Variants in ANKRD53 observed in about 807,000 individuals in gnomAD.
The protein encoded by ANKRD53 is ankyrin repeat domain 53.
ANKRD53 carries 27 observed loss-of-function variants against 30.1 expected under a neutral mutation model. That is an observed-to-expected ratio of 0.90 (90% CI 0.66 to 1.24). ANKRD53 has a LOEUF of 1.24. Among genes scored for constraint, ANKRD53 ranks in the 50% most tolerant of loss-of-function variants. ANKRD53 has a pLI of 0.00. For synonymous variants in ANKRD53, 286 were observed against 295.4 expected (o/e 0.97, Z 0.33); for missense variants, 682 against 721.0 (o/e 0.95, Z 0.62).
Position 70,982,911 on chromosome 2 carries a change from A to C in ANKRD53, c.903+214A>C, listed in dbSNP as rs1322369303. On this transcript the variant is annotated intron_variant, in intron 5 of 5. Coordinates refer to ENST00000360589, the MANE Select transcript of ANKRD53 (RefSeq NM_001115116.2). This position sits in a 1 kb window ranked among gnomAD's most constrained non-coding sequence, Gnocchi z 4.2. The stretch of plus-strand genomic sequence containing the variant: ...TCAAAAGTCTTATCCTGTGTTAGAA[A>C]GCCAATTTAAGCAAGCTTAAATTCG... Among the ~76,000 whole-genome samples, 1 of 152,208 alleles carries C rather than the reference A, an allele frequency of 6.6e-6. No individual in the cohort carries two copies. Among genetic ancestry groups the C allele is most frequent in the African/African-American group, 2.4e-5 (1 of 41,450 alleles).
At chr2:70,980,208 G>A (rs1258488843) in intron 3 of ANKRD53, among the ~76,000 whole-genome samples, 1 of 152,068 alleles carries the variant, frequency 6.6e-6, no homozygotes, top group African/African-American at 2.4e-5. Context: ...CCAGCTATTC[G>A]GGAGGCTGAG....
rs113778540 is a variant in ANKRD53 at position 70,979,199 on chromosome 2, C to A, written c.273C>A (p.Ser91Arg). The stretch of plus-strand genomic sequence containing the variant: ...TCACCCCGCCCCGCGCTGACCCCAG[C>A]CCCAGCAAGGAGTCCGACCAGACGG... ...ASLTPPRADP[S>R]PSKESDQTAI... Residue 91 changes from serine (S) to arginine (R), a missense_variant, in exon 2 of 6, where the codon AGC (serine) becomes AGA (arginine). By Grantham distance (110) the Ser-to-Arg change is moderately radical. Coordinates refer to ENST00000360589, the MANE Select transcript of ANKRD53 (RefSeq NM_001115116.2). The A allele has an allele frequency of 6.2e-7, 1 of 1,613,130 alleles. No individual in the cohort carries two copies. Among genetic ancestry groups the A allele is most frequent in the Non-Finnish European group, 8.5e-7 (1 of 1,179,926 alleles).
Position 70,985,085 on chromosome 2 carries a change from T to A in ANKRD53, c.1378T>A (p.Tyr460Asn). 2.6e-6 allele frequency: 4 copies of A among 1,550,722 alleles called. No homozygotes were observed. The highest frequency in any genetic ancestry group is 1.2e-5 in the South Asian group (1 of 84,058). The change falls in exon 6 of 6, where the codon TAC becomes AAC. Residue 460 changes from tyrosine to asparagine, a missense_variant. Transcript: ENST00000360589. ...TTTTGAGGTGCTGCTGCGCATGCTG[T>A]ACCCACGTGTATGGCCATACAGAAT... The part of the protein sequence containing the change: ...LPFEVLLRML[Y>N]PRVWPYRMKV...
chr2:70,978,719 G>T lies in ANKRD53; in HGVS notation c.74G>T (p.Gly25Val). The T allele has an allele frequency of 6.4e-7, 1 of 1,551,496 alleles. No individual in the cohort carries two copies. Among genetic ancestry groups the T allele is most frequent in the Non-Finnish European group, 8.7e-7 (1 of 1,147,664 alleles). The change falls in exon 1 of 6, where the codon GGT becomes GTT. Residue 25 changes from glycine (G) to valine (V), a missense_variant. Physicochemically the swap from Gly to Val is moderately radical, Grantham distance 109. Transcript: ENST00000360589. The surrounding 1 kb of genome is among the most constrained non-coding windows in gnomAD (Gnocchi z 4.3). ...SWHSERGEGRGARPQPTPSGS... is the reference protein window; with the variant it reads ...SWHSERGEGRVARPQPTPSGS... The stretch of plus-strand genomic sequence containing the variant: ...CACTCAGAAAGGGGAGAAGGGAGAG[G>T]TGCTCGGCCGCAGCCAACTCCAAGT...
At position 70,984,835 on chromosome 2, in the gene ANKRD53, G is replaced by A. The variant is rs1670125079; in HGVS notation, c.1128G>A (p.Arg376=). ...QPTEMPKPIY[R]KPTVKRPTMW... is the part of the protein sequence containing the mutation. ...CGGAGATGCCCAAGCCCATCTACAG[G>A]AAGCCCACGGTCAAGCGGCCCACAA... Residue 376 remains arginine, a synonymous_variant, in exon 6 of 6, where the codon AGG becomes AGA. Coordinates refer to ENST00000360589, the MANE Select transcript of ANKRD53 (RefSeq NM_001115116.2). The A allele has an allele frequency of 3.9e-6, 6 of 1,552,226 alleles. No individual in the cohort carries two copies. The East Asian group carries it at 1.5e-4, about 38-fold the overall frequency.
At position 70,984,065 on chromosome 2, in the gene ANKRD53, A is replaced by G. The variant is rs557955467; in HGVS notation, c.904-546A>G. 3.0e-5 allele frequency: 46 copies of G among 1,532,744 alleles called. No individual in the cohort carries two copies. The East Asian group carries it at 1.0e-3, about 35-fold the overall frequency. 94.9% of individuals were successfully genotyped at this position (1,532,744 alleles called of 1,614,324 possible). On this transcript the variant is annotated intron_variant, in intron 5 of 5. Coordinates refer to ENST00000360589, the MANE Select transcript of ANKRD53 (RefSeq NM_001115116.2). ...CCTACATGACTTCTCAAGGCCCACC[A>G]CTTCCAAGAAGCGTGTCCACATCAG... is the stretch of plus-strand genomic sequence containing the variant.
chr2:70,982,124 AGCCT>A lies in ANKRD53; in HGVS notation c.782+28_782+31del, dbSNP rs1294607897. On this transcript the variant is annotated intron_variant, in intron 4 of 5. Transcript: ENST00000360589. This position sits in a 1 kb window ranked among gnomAD's most constrained non-coding sequence, Gnocchi z 4.2. Reference sequence around the variant, plus strand: ...CGGTGAGAGTGTGAGAACCACCTGGAGCCTGCCCACCCCCTTCCCCTCCCCCAGC... The same window carrying A: ...CGGTGAGAGTGTGAGAACCACCTGGAGCCCACCCCCTTCCCCTCCCCCAGC... 6.3e-7 allele frequency: 1 copy of A among 1,579,676 alleles called. No individual in the cohort carries two copies. The highest frequency in any genetic ancestry group is 8.6e-7 in the Non-Finnish European group (1 of 1,160,268).
rs1553424336 is a variant in ANKRD53, at chr2:70,984,680, T to A, written c.973T>A (p.Ser325Thr). 1.2e-6 allele frequency: 2 copies of A among 1,614,082 alleles called. No individual in the cohort carries two copies. The highest frequency in any genetic ancestry group is 1.7e-6 in the Non-Finnish European group (2 of 1,179,972). Residue 325 changes from serine to threonine, a missense_variant, in exon 6 of 6, where the codon TCT (serine) becomes ACT (threonine). Coordinates refer to ENST00000360589, the MANE Select transcript of ANKRD53 (RefSeq NM_001115116.2). ...CCACGGCAAGCTGCACCCAGGCCAC[T>A]CTCTGGTCTCCAATACCAAGCAAGC... ...WLHGKLHPGH[S>T]LVSNTKQARA...
At chr2:70,979,438 G>C in intron 2 of ANKRD53, 95 bp downstream of exon 2, 2 of 1,556,702 alleles carry the variant, frequency 1.3e-6, no homozygotes, top group Non-Finnish European at 1.7e-6. Context: ...TTTCTGGGTA[G>C]ATCTTCCTAA....
At position 70,978,705 on chromosome 2, in the gene ANKRD53, G is replaced by C. The variant is rs1428961187; in HGVS notation, c.60G>C (p.Arg20Ser). 6.5e-7 allele frequency: 1 copy of C among 1,548,078 alleles called. No homozygotes were observed. The highest frequency in any genetic ancestry group is 8.7e-7 in the Non-Finnish European group (1 of 1,146,392). Reference protein sequence around the residue: ...RAGSGSWHSERGEGRGARPQP... With the variant: ...RAGSGSWHSESGEGRGARPQP... ...GCTCCGGAAGCTGGCACTCAGAAAG[G>C]GGAGAAGGGAGAGGTGCTCGGCCGC... The change falls in exon 1 of 6, where the codon AGG (arginine) becomes AGC (serine). Residue 20 changes from arginine (R) to serine (S), a missense_variant. Arg to Ser is a moderately radical substitution (Grantham distance 110). Transcript: ENST00000360589. The surrounding 1 kb of genome is among the most constrained non-coding windows in gnomAD (Gnocchi z 4.3).
rs1670159244 is a variant in ANKRD53, at chr2:70,985,351, G to A, written c.*51G>A. ...GAGGCAGCCCAGTGAAGGCTGAAGTGTGGCAATTCACGTTGTGGGTGGCGA... is the reference window on the plus strand; with the variant it reads ...GAGGCAGCCCAGTGAAGGCTGAAGTATGGCAATTCACGTTGTGGGTGGCGA... On this transcript the variant is annotated 3_prime_UTR_variant, in exon 6 of 6. Transcript: ENST00000360589. 1.3e-6 allele frequency: 2 copies of A among 1,488,718 alleles called. No individual in the cohort carries two copies. Among genetic ancestry groups the A allele is most frequent in the African/African-American group, 1.4e-5 (1 of 71,580 alleles). 92.2% of individuals were successfully genotyped at this position (1,488,718 alleles called of 1,614,324 possible).
intron 3 of ANKRD53, among the ~76,000 whole-genome samples, chr2:70,981,686 C>A (rs1553423633): frequency 1.3e-5 from 2 of 152,154 alleles, no homozygotes; most frequent in Non-Finnish European, 2.9e-5. Flanking sequence ...CTGAACCAAG[C>A]CAGCTCTCCT....
chr2:70,982,814 C>A lies in ANKRD53; in HGVS notation c.903+117C>A. On this transcript the variant is annotated intron_variant, in intron 5 of 5. Coordinates refer to ENST00000360589, the MANE Select transcript of ANKRD53 (RefSeq NM_001115116.2). This position sits in a 1 kb window ranked among gnomAD's most constrained non-coding sequence, Gnocchi z 4.2. ...AGAAGCACTCCCACCCTGAAAGAGC[C>A]ACCCTTTCGCCTGTACTCCCACCGG... The A allele has an allele frequency of 7.2e-7, 1 of 1,386,636 alleles. No individual in the cohort carries two copies. The highest frequency in any genetic ancestry group is 9.7e-7 in the Non-Finnish European group (1 of 1,033,100). The allele number at this position is 1,386,636 out of a possible 1,614,324, so 85.9% of individuals were successfully genotyped here. A position where few individuals can be genotyped will look rare whatever the true frequency, so the allele number is the denominator to read the frequency against.
Position 70,982,549 on chromosome 2 carries a change from G to A in ANKRD53, c.783-28G>A. The stretch of plus-strand genomic sequence containing the variant: ...GGTGGAAGCTCTGTCACTGTGGGAT[G>A]ACACCCCCGCCCTGACCTTGGCACC... On this transcript the variant is annotated intron_variant, in intron 4 of 5. Transcript: ENST00000360589. The surrounding 1 kb of genome is among the most constrained non-coding windows in gnomAD (Gnocchi z 4.2). 1 of 1,612,236 alleles carries A rather than the reference G, an allele frequency of 6.2e-7. No homozygotes were observed. The highest frequency in any genetic ancestry group is 1.1e-5 in the South Asian group (1 of 90,834).
chr2:70,978,448 C>A, upstream of ANKRD53: 1 of 545,760 alleles, frequency 1.8e-6, no homozygotes, highest in Non-Finnish European at 3.0e-6. The surrounding 1 kb of genome is among the most constrained non-coding windows in gnomAD (Gnocchi z 4.3). Context: ...AGCAGAGCGG[C>A]GGGTGGGGAG....
chr2:70,983,815 G>A (rs1670084380), intron 5 of ANKRD53, among the ~76,000 whole-genome samples: 2 of 152,230 alleles, frequency 1.3e-5, no homozygotes, highest in Non-Finnish European at 2.9e-5. Flanking sequence ...TAGGTCTGGG[G>A]CAAGGTCTGA....
In ANKRD53 at chr2:70,985,004, G is replaced by C. The variant is rs1254495178; in HGVS notation, c.1297G>C (p.Gly433Arg). ...FLEVRPDGHG[G>R]ARLHTVDGHW... ...GGAGGTGAGGCCTGATGGGCACGGC[G>C]GTGCGCGGCTGCACACAGTGGACGG... The change falls in exon 6 of 6, where the codon GGT becomes CGT. Residue 433 changes from glycine to arginine, a missense_variant. Transcript: ENST00000360589. 1 of 1,549,006 alleles carries C rather than the reference G, an allele frequency of 6.5e-7. No homozygotes were observed. Among genetic ancestry groups the C allele is most frequent in the Non-Finnish European group, 8.7e-7 (1 of 1,146,530 alleles).
rs1553423429 is a variant in ANKRD53, at chr2:70,980,582, C to T, written c.617+722C>T. 2.6e-5 allele frequency among the ~76,000 whole-genome samples: 4 copies of T among 152,012 alleles called. No individual in the cohort carries two copies. In the East Asian group the frequency reaches 5.8e-4, roughly 22 times the overall value. ...GCTTGAACCCGGGAGGTGGAGGTTG[C>T]GGTGGGCCGAGATTGCTCCAATGCA... On this transcript the variant is annotated intron_variant, in intron 3 of 5. Coordinates refer to ENST00000360589, the MANE Select transcript of ANKRD53 (RefSeq NM_001115116.2).
Position 70,982,152 on chromosome 2 carries a change from G to C in ANKRD53, c.782+52G>C. On this transcript the variant is annotated intron_variant, in intron 4 of 5. Transcript: ENST00000360589. This position sits in a 1 kb window ranked among gnomAD's most constrained non-coding sequence, Gnocchi z 4.2. ...CTGCCCACCCCCTTCCCCTCCCCCAGCCTTTTCCCTAGGGCCCTCACCACA... is the reference window on the plus strand; with the variant it reads ...CTGCCCACCCCCTTCCCCTCCCCCACCCTTTTCCCTAGGGCCCTCACCACA... 1 of 1,535,878 alleles carries C rather than the reference G, an allele frequency of 6.5e-7. No individual in the cohort carries two copies. The highest frequency in any genetic ancestry group is 8.8e-7 in the Non-Finnish European group (1 of 1,138,726).
Sources: gnomAD v4.1 joint callset for allele counts (sites outside exome capture counted in the v4.1 genomes callset) on GRCh38, gnomAD v4.1.1 for gene constraint, Gnocchi (gnomAD v3.1) non-coding constraint, MANE v1.5 for transcripts, NCBI Gene and HGNC (gene_info 2026-07-23, HGNC 2026-07-21) for gene names.